MCM3AP: variants seen among roughly 807,000 people sequenced by gnomAD.
MCM3AP encodes germinal-center associated nuclear protein.
In MCM3AP, 126 loss-of-function variants were observed where a neutral mutation model predicts 184.1. The ratio of observed to expected loss-of-function variants is 0.68; its 90% CI spans 0.59 to 0.79. The LOEUF is 0.79. Ranked by LOEUF, MCM3AP falls within the 30% of genes least tolerant of loss-of-function variation. The pLI is 0.00. For synonymous variants in MCM3AP, 1,002 were observed against 979.3 expected (o/e 1.02, Z -0.43); for missense variants, 2,496 against 2,479.2 (o/e 1.01, Z -0.14).
At chr21:46,275,084 C>T (rs369974495) in intron 6 of MCM3AP, 102 bp downstream of exon 6, 1 of 1,326,854 alleles carries the variant, frequency 7.5e-7, no homozygotes, top group African/African-American at 1.5e-5. Context: ...AGCACAAATA[C>T]CCAACACTGT....
intron 16 of MCM3AP, among the ~76,000 whole-genome samples, chr21:46,257,327 T>C (rs989647725): frequency 6.6e-6 from 1 of 151,410 alleles, no homozygotes; most frequent in African/African-American, 2.4e-5. Context: ...TACAAAAAAT[T>C]AGCCGGGCAT....
At chr21:46,237,803 T>TA (rs201350314) in intron 26 of MCM3AP, among the ~76,000 whole-genome samples, 8,206 of 108,302 alleles carry the variant, frequency 0.076, 2,303 homozygotes, top group Non-Finnish European at 0.11. Flanking sequence ...AAGCTTAATT[T>TA]AAAAAAAAAA....
chr21:46,271,063 T>C (rs1429662803), intron 8 of MCM3AP, among the ~76,000 whole-genome samples: 1 of 152,260 alleles, frequency 6.6e-6, no homozygotes, highest in Non-Finnish European at 1.5e-5. Flanking sequence ...TTAACTCTTT[T>C]TGTTTAGAAA....
In MCM3AP at chr21:46,266,070, G is replaced by T. The variant is rs749709980; in HGVS notation, c.2886C>A (p.Val962=). ...VFITRKLTVS[V]GEIVNGGPLP... is the part of the protein sequence containing the mutation. ...ATGGCCCTCCGTTCACAATTTCCCC[G>T]ACTGACACCGTCAGCTTCCTAGTAA... The change falls in exon 11 of 28, where the codon GTC becomes GTA. Residue 962 remains valine (V), a synonymous_variant. Transcript: ENST00000291688. 3.7e-6 allele frequency: 6 copies of T among 1,612,368 alleles called. No individual in the cohort carries two copies. The highest frequency in any genetic ancestry group is 5.1e-6 in the Non-Finnish European group (6 of 1,179,318).
At chr21:46,278,005 G>A (rs552209920) in intron 4 of MCM3AP, among the ~76,000 whole-genome samples, 12 of 152,220 alleles carry the variant, frequency 7.9e-5, no homozygotes, top group African/African-American at 2.6e-4. Flanking sequence ...TTAAAAATTA[G>A]CCGGGCATGG....
intron 8 of MCM3AP, among the ~76,000 whole-genome samples, chr21:46,270,788 A>G (rs1354461214): frequency 1.3e-5 from 2 of 152,154 alleles, no homozygotes; most frequent in Admixed American, 6.5e-5. Flanking sequence ...TGGGTGACAG[A>G]GCAAGACCCT....
chr21:46,249,655 T>C, intron 20 of MCM3AP: 2 of 442,110 alleles, frequency 4.5e-6, no homozygotes, highest in Non-Finnish European at 9.0e-6. Context: ...TCGCATGACA[T>C]ATAACATCCA....
At chr21:46,272,961 G>A (rs2081200620) in intron 7 of MCM3AP, 132 bp from the exon 8 acceptor site, 1 of 871,134 alleles carries the variant, frequency 1.1e-6, no homozygotes, top group Non-Finnish European at 1.7e-6. Flanking sequence ...ATTTTAATAG[G>A]ACTTTGTAGT....
rs758996644 is a variant in MCM3AP, at chr21:46,264,196, C to T, written c.3256G>A (p.Glu1086Lys). 6.2e-6 allele frequency: 10 copies of T among 1,612,940 alleles called. No homozygotes were observed. Among genetic ancestry groups the T allele is most frequent in the East Asian group, 2.2e-5 (1 of 44,864 alleles). The change falls in exon 13 of 28, where the codon GAG (glutamate) becomes AAG (lysine). Residue 1086 changes from glutamate (E) to lysine (K), a missense_variant. Physicochemically the swap from Glu to Lys is moderately conservative, Grantham distance 56. Transcript: ENST00000291688. ...SDEDLAQVVD[E>K]LIQEALQRDC... is the part of the protein sequence containing the mutation. ...CTCTGCAGGGCCTCCTGGATGAGCT[C>T]GTCCACCACCTGCGCCAGGTCCTGT...
chr21:46,266,669 T>C (rs1343170766), intron 10 of MCM3AP: 10 of 345,430 alleles, frequency 2.9e-5, no homozygotes, highest in African/African-American at 1.9e-4. Context: ...AGGTTGTCCG[T>C]CATTGGCTGG....
At position 46,284,938 on chromosome 21, in the gene MCM3AP, T is replaced by G. The variant is rs1040002045; in HGVS notation, c.349A>C (p.Ser117Arg). ...NTGFSFKSPT[S>R]VGAFPSTSAF... ...GAAGTGCTTGGGAAAGCCCCAACAC[T>G]GGTGGGTGATTTAAAACTAAATCCT... Residue 117 changes from serine to arginine, a missense_variant, in exon 1 of 28, where the codon AGT becomes CGT. Coordinates refer to ENST00000291688, the MANE Select transcript of MCM3AP (RefSeq NM_003906.5). The G allele has an allele frequency of 3.1e-6, 5 of 1,614,136 alleles. No individual in the cohort carries two copies. Among genetic ancestry groups the G allele is most frequent in the South Asian group, 2.2e-5 (2 of 91,082 alleles).
At chr21:46,266,481 G>A (rs1277223107) in intron 10 of MCM3AP, 6 of 274,224 alleles carry the variant, frequency 2.2e-5, no homozygotes, top group Non-Finnish European at 4.1e-5. Flanking sequence ...GAACTGGAAG[G>A]AGGAGACAGG....
chr21:46,247,553 C>T (rs1453791694), intron 20 of MCM3AP: 1 of 149,786 alleles, frequency 6.7e-6, no homozygotes, highest in African/African-American at 2.5e-5. Context: ...GACAGGGTTT[C>T]ACCATGTTGG....
At chr21:46,247,437 T>A (rs1381935906) in intron 20 of MCM3AP, among the ~76,000 whole-genome samples, 1 of 89,404 alleles carries the variant, frequency 1.1e-5, no homozygotes, top group African/African-American at 4.2e-5. Context: ...CCAGGCTGGA[T>A]TGCAGTGGCA....
rs749066728 is a variant in MCM3AP, at chr21:46,272,803, G to T, written c.2223C>A (p.Asp741Glu). The T allele has an allele frequency of 1.9e-6, 3 of 1,603,990 alleles. No homozygotes were observed. The highest frequency in any genetic ancestry group is 1.7e-6 in the Non-Finnish European group (2 of 1,173,948). Residue 741 changes from aspartate (D) to glutamate (E), a missense_variant, in exon 8 of 28, where the codon GAC becomes GAA. Transcript: ENST00000291688. ...RKDITQQHLC[D>E]PLTVSLIEKC... Reference sequence around the variant, plus strand: ...TCTCAATCAGGGACACCGTCAGGGGGTCACAGAGGTGCTGCTGCGTGATAT... The same window carrying T: ...TCTCAATCAGGGACACCGTCAGGGGTTCACAGAGGTGCTGCTGCGTGATAT...
At chr21:46,251,474 G>C in intron 20 of MCM3AP, 55 bp downstream of exon 20, 1 of 1,441,374 alleles carries the variant, frequency 6.9e-7, no homozygotes, top group Non-Finnish European at 9.7e-7. Context: ...TGATATCTGG[G>C]AGTAAGTGAA....
intron 25 of MCM3AP, chr21:46,242,042 A>G (rs1004569976): frequency 2.0e-4 from 31 of 151,914 alleles, no homozygotes; most frequent in African/African-American, 7.5e-4. Flanking sequence ...TTGTGGATCT[A>G]TCTATCTGAT....
chr21:46,246,697 G>C lies in MCM3AP; in HGVS notation c.4480C>G (p.Pro1494Ala), dbSNP rs367716987. The C allele has an allele frequency of 5.6e-6, 9 of 1,614,248 alleles. No individual in the cohort carries two copies. In the African/African-American group the frequency reaches 9.3e-5, roughly 17 times the overall value. Reference sequence around the variant, plus strand: ...ACAAGAACCACCAGAGGAAGCGCAGGCTGGAAGGGCTTAGCCTGCAGGAGC... The same window carrying C: ...ACAAGAACCACCAGAGGAAGCGCAGCCTGGAAGGGCTTAGCCTGCAGGAGC... ...KQLLQAKPFQ[P>A]ALPLVVLVPS... The change falls in exon 21 of 28, where the codon CCT becomes GCT. Residue 1494 changes from proline to alanine, a missense_variant. By Grantham distance (27) the Pro-to-Ala change is conservative (BLOSUM62 -1). Coordinates refer to ENST00000291688, the MANE Select transcript of MCM3AP (RefSeq NM_003906.5).
chr21:46,241,735 G>A (rs988880407), intron 25 of MCM3AP: 12 of 152,186 alleles, frequency 7.9e-5, no homozygotes, highest in Admixed American at 5.9e-4. Flanking sequence ...TCACAGCATT[G>A]TATCCTGTCA....
Sources: allele counts gnomAD v4.1 joint callset (sites outside exome capture counted in the v4.1 genomes callset), GRCh38; gene constraint gnomAD v4.1.1; transcripts MANE v1.5; gene names NCBI Gene and HGNC (gene_info 2026-07-23, HGNC 2026-07-21).